CDC42SE2: variants seen among roughly 807,000 people sequenced by gnomAD.
The protein encoded by CDC42SE2 is CDC42 small effector 2, also known as CDC42 small effector protein 2.
CDC42SE2 carries 3 observed loss-of-function variants against 11.5 expected under a neutral mutation model. The observed-to-expected ratio is 0.26, with a 90% CI of 0.12 to 0.67. CDC42SE2 has a LOEUF of 0.67. CDC42SE2 is among the 30% of genes least tolerant of loss of function. The pLI, the probability that CDC42SE2 is intolerant of heterozygous loss-of-function variation, is 0.80. For missense variants in CDC42SE2, 82 were observed against 106.8 expected, an observed-to-expected ratio of 0.77 and a Z score of 1.02; for synonymous variants, 33 against 34.8, an observed-to-expected ratio of 0.95 and a Z score of 0.18.
chr5:131,306,028 G>C (rs747219651), intron 1 of CDC42SE2, among the ~76,000 whole-genome samples: 2 of 152,104 alleles, frequency 1.3e-5, no homozygotes. Flanking sequence ...CTGTGGTTTT[G>C]CATTCTGCAG....
At chr5:131,263,287 A>AT (rs1756770797), upstream of CDC42SE2, among the ~76,000 whole-genome samples, 1 of 152,092 alleles carries the variant, frequency 6.6e-6, no homozygotes, top group African/African-American at 2.4e-5. Context: ...TAGAATGGGG[A>AT]AGACCATACA....
At chr5:131,298,452 A>G (rs1659539466) in intron 1 of CDC42SE2, among the ~76,000 whole-genome samples, 1 of 151,216 alleles carries the variant, frequency 6.6e-6, no homozygotes, top group African/African-American at 2.4e-5. Flanking sequence ...TTTAGGTACC[A>G]TAGAATCTTA....
chr5:131,217,343 G>C, the CDC42SE2 span, among the ~76,000 whole-genome samples: 1 of 152,082 alleles, frequency 6.6e-6, no homozygotes, highest in Non-Finnish European at 1.5e-5. Context: ...TAGAAACAAA[G>C]AAATTAATTT....
At chr5:131,349,621 T>G (rs1758951222) in intron 2 of CDC42SE2, among the ~76,000 whole-genome samples, 1 of 152,178 alleles carries the variant, frequency 6.6e-6, no homozygotes, top group Admixed American at 6.5e-5. Flanking sequence ...GGGTCAACTG[T>G]ATATGAGTAT....
At chr5:131,252,005 A>G (rs1314198835) in intron 1 of CDC42SE2, among the ~76,000 whole-genome samples, 2 of 151,672 alleles carry the variant, frequency 1.3e-5, no homozygotes, top group African/African-American at 4.8e-5. Context: ...ACAGAGCAAG[A>G]CCCTGTCTCA....
At chr5:131,312,619 C>T (rs1418319543) in intron 1 of CDC42SE2, among the ~76,000 whole-genome samples, 1 of 152,216 alleles carries the variant, frequency 6.6e-6, no homozygotes, top group Non-Finnish European at 1.5e-5. Context: ...CCCTCCGAGC[C>T]AGGCGCGGGA....
chr5:131,296,319 AG>A (rs1757570534), intron 1 of CDC42SE2, among the ~76,000 whole-genome samples: 1 of 152,160 alleles, frequency 6.6e-6, no homozygotes, highest in Admixed American at 6.6e-5. Context: ...CATCAAATGG[AG>A]GCTGTATTCA....
intron 3 of CDC42SE2, among the ~76,000 whole-genome samples, chr5:131,373,083 AT>A (rs1750055736): frequency 6.6e-6 from 1 of 152,130 alleles, no homozygotes; most frequent in Non-Finnish European, 1.5e-5. Context: ...TACCAGCAAT[AT>A]TTTGTTCTCA....
intron 1 of CDC42SE2, among the ~76,000 whole-genome samples, chr5:131,303,321 T>C (rs1757720105): frequency 6.6e-6 from 1 of 152,242 alleles, no homozygotes. Flanking sequence ...CATTAAATGA[T>C]CATGCATAAA....
intron 1 of CDC42SE2, among the ~76,000 whole-genome samples, chr5:131,289,578 C>T (rs915210047): frequency 6.6e-6 from 1 of 151,424 alleles, no homozygotes; most frequent in Non-Finnish European, 1.5e-5. Flanking sequence ...GAGGCTGAGG[C>T]AGGAGAATGG....
chr5:131,264,611 A>C (rs1472980724), intron 1 of CDC42SE2, among the ~76,000 whole-genome samples: 1 of 150,836 alleles, frequency 6.6e-6, no homozygotes, highest in Non-Finnish European at 1.5e-5. Flanking sequence ...CTGGCTCCGG[A>C]GCTCCGACTC....
intron 2 of CDC42SE2, among the ~76,000 whole-genome samples, chr5:131,339,246 G>GGAA (rs1554098965): frequency 8.9e-4 from 25 of 28,242 alleles, no homozygotes; most frequent in African/African-American, 2.2e-3. Flanking sequence ...GACTCTGTCT[G>GGAA]AAAAAAAAAA....
At chr5:131,284,689 G>A (rs113294311) in intron 1 of CDC42SE2, among the ~76,000 whole-genome samples, 251 of 152,142 alleles carry the variant, frequency 1.6e-3, no homozygotes, top group African/African-American at 5.7e-3. Context: ...GCCCAGGTTG[G>A]TTGTGAACTC....
chr5:131,281,802 G>T (rs917870132), intron 1 of CDC42SE2, among the ~76,000 whole-genome samples: 1 of 152,142 alleles, frequency 6.6e-6, no homozygotes, highest in South Asian at 2.1e-4. Context: ...TAACTTTGCT[G>T]CATATTTGCT....
rs1454630707 is a variant in CDC42SE2, at chr5:131,307,390, A to G, written c.-454-8586A>G. On this transcript the variant is annotated intron_variant, in intron 1 of 4. Transcript: ENST00000505065. Reference sequence around the variant, plus strand: ...TTTCATCCATGTCCCTACAAAGGACATGAACTCATCATTTTTTATGGCTGC... The same window carrying G: ...TTTCATCCATGTCCCTACAAAGGACGTGAACTCATCATTTTTTATGGCTGC... Among the ~76,000 whole-genome samples, 8 of 152,026 alleles carry G rather than the reference A, an allele frequency of 5.3e-5. No homozygotes were observed. The East Asian group carries it at 7.7e-4, about 15-fold the overall frequency.
chr5:131,336,323 T>C (rs1758560806), intron 2 of CDC42SE2, among the ~76,000 whole-genome samples: 1 of 152,216 alleles, frequency 6.6e-6, no homozygotes, highest in Non-Finnish European at 1.5e-5. Flanking sequence ...GCTTATAGAG[T>C]TTCTGCCGAG....
At chr5:131,306,794 C>T (rs967691916) in intron 1 of CDC42SE2, among the ~76,000 whole-genome samples, 10 of 152,188 alleles carry the variant, frequency 6.6e-5, no homozygotes, top group Admixed American at 2.6e-4. Flanking sequence ...TTTCAGCCTA[C>T]AGATCTTTCA....
intron 2 of CDC42SE2, among the ~76,000 whole-genome samples, chr5:131,344,916 A>G (rs547999455): frequency 3.3e-5 from 5 of 152,352 alleles, no homozygotes; most frequent in African/African-American, 1.2e-4. Context: ...GCAAACTCCA[A>G]CAGACCTGCA....
chr5:131,211,096 C>T, the CDC42SE2 span, among the ~76,000 whole-genome samples: 114 of 152,322 alleles, frequency 7.5e-4, no homozygotes, highest in African/African-American at 2.6e-3. Context: ...CTCGGCCTCC[C>T]AAAGTGCTGG....
Sources: allele counts gnomAD v4.1 joint callset (sites outside exome capture counted in the v4.1 genomes callset), GRCh38; gene constraint gnomAD v4.1.1; transcripts MANE v1.5; gene names NCBI Gene and HGNC (gene_info 2026-07-23, HGNC 2026-07-21).